Variants in PCDHA4 observed in about 807,000 individuals in gnomAD.
PCDHA4 encodes protocadherin alpha-4.
PCDHA4 carries 49 observed loss-of-function variants against 61.4 expected under a neutral mutation model. The ratio of observed to expected loss-of-function variants is 0.80; its 90% CI spans 0.63 to 1.01. The LOEUF is 1.01. PCDHA4 is among the 50% of genes least tolerant of loss of function. The pLI is 0.00. For missense variants in PCDHA4, 1,254 were observed against 1,235.8 expected (o/e 1.01, Z -0.22); for synonymous variants, 590 against 550.3 (o/e 1.07, Z -1.01).
In PCDHA4 at chr5:140,857,593, G is replaced by C. The variant is rs782606088; in HGVS notation, c.2385+48021G>C. ...TGTCGGTGCACGCGGAGAGCGGCAAGGTGTACGCGCTGCAGCCGCTGGACC... is the reference window on the plus strand; with the variant it reads ...TGTCGGTGCACGCGGAGAGCGGCAACGTGTACGCGCTGCAGCCGCTGGACC... On this transcript the variant is annotated intron_variant, in intron 1 of 3. Coordinates refer to ENST00000530339, the MANE Select transcript of PCDHA4 (RefSeq NM_018907.4). 2.5e-6 allele frequency: 4 copies of C among 1,596,536 alleles called. No individual in the cohort carries two copies. The East Asian group carries it at 6.7e-5, about 27-fold the overall frequency.
intron 1 of PCDHA4, chr5:140,928,782 T>C (rs2085522837): frequency 6.2e-7 from 1 of 1,614,030 alleles, no homozygotes; most frequent in East Asian, 2.2e-5. Context: ...CTGATGCAGT[T>C]AAGCAGAGGG....
intron 3 of PCDHA4, among the ~76,000 whole-genome samples, chr5:140,996,539 A>G (rs1023035245): frequency 2.6e-5 from 4 of 152,170 alleles, no homozygotes; most frequent in South Asian, 4.1e-4. Flanking sequence ...GTGTTTTGAT[A>G]TTATGCTGTC....
chr5:140,809,090 C>A lies in PCDHA4; in HGVS notation c.1903C>A (p.Arg635Ser). ...GLYTGEISTT[R>S]ALDETDAPRH... ...GTACACTGGCGAGATCAGCACAACGCGTGCCCTGGACGAAACGGACGCTCC... is the reference window on the plus strand; with the variant it reads ...GTACACTGGCGAGATCAGCACAACGAGTGCCCTGGACGAAACGGACGCTCC... The change falls in exon 1 of 4, where the codon CGT becomes AGT. Residue 635 changes from arginine (R) to serine (S), a missense_variant. Arg to Ser is a moderately radical substitution (Grantham distance 110). Coordinates refer to ENST00000530339, the MANE Select transcript of PCDHA4 (RefSeq NM_018907.4). The A allele has an allele frequency of 6.2e-7, 1 of 1,613,952 alleles. No individual in the cohort carries two copies. The highest frequency in any genetic ancestry group is 8.5e-7 in the Non-Finnish European group (1 of 1,179,910).
At chr5:140,868,866 T>C (rs1319732568) in intron 1 of PCDHA4, 2 of 581,336 alleles carry the variant, frequency 3.4e-6, no homozygotes, top group Non-Finnish European at 5.7e-6. Context: ...GTAAATGCAG[T>C]GCACAGTACT....
At chr5:140,870,746 T>A in intron 1 of PCDHA4, 1 of 1,613,488 alleles carries the variant, frequency 6.2e-7, no homozygotes, top group South Asian at 1.1e-5. Flanking sequence ...AGCAGCAACG[T>A]GACGCTGCAG....
At chr5:140,863,181 C>T (rs782813569) in intron 1 of PCDHA4, 5 of 753,966 alleles carry the variant, frequency 6.6e-6, no homozygotes, top group Non-Finnish European at 1.1e-5. Flanking sequence ...CTGCCACCGT[C>T]ACCGTGGTGG....
chr5:140,929,118 A>T, intron 1 of PCDHA4: 2 of 1,614,150 alleles, frequency 1.2e-6, no homozygotes, highest in Non-Finnish European at 1.7e-6. Context: ...CAGCCACCAT[A>T]GATGTCACTA....
chr5:140,869,650 C>A, intron 1 of PCDHA4: 1 of 1,613,504 alleles, frequency 6.2e-7, no homozygotes, highest in African/African-American at 1.3e-5. Flanking sequence ...TTTAGATTCA[C>A]CAACAAATGG....
chr5:140,843,337 C>A lies in PCDHA4; in HGVS notation c.2385+33765C>A, dbSNP rs2150357766. On this transcript the variant is annotated intron_variant, in intron 1 of 3. Coordinates refer to ENST00000530339, the MANE Select transcript of PCDHA4 (RefSeq NM_018907.4). ...CGGTTCTGGTGTCGCTGGTGGAGAGCGGCCAGGCTCCAAAAGCGTCATCGA... is the reference window on the plus strand; with the variant it reads ...CGGTTCTGGTGTCGCTGGTGGAGAGAGGCCAGGCTCCAAAAGCGTCATCGA... 16 of 1,596,000 alleles carry A rather than the reference C, an allele frequency of 1.0e-5. 3 individuals carry two copies. Among genetic ancestry groups the A allele is most frequent in the Non-Finnish European group, 1.2e-5 (14 of 1,165,568 alleles).
At chr5:140,820,515 G>A (rs2150107166) in intron 1 of PCDHA4, among the ~76,000 whole-genome samples, 23 of 151,938 alleles carry the variant, frequency 1.5e-4, no homozygotes, top group African/African-American at 5.6e-4. Flanking sequence ...ATATATACAA[G>A]CAGAATGTTA....
Position 141,010,554 on chromosome 5 carries a change from C to G in PCDHA4, c.*617C>G. On this transcript the variant is annotated 3_prime_UTR_variant, in exon 4 of 4. Transcript: ENST00000530339. ...CACCCTCTAGGAGACAAAACTACCC[C>G]CACTGACAAGGCTTTAGGAGACCCT... The G allele has an allele frequency of 3.1e-6, 1 of 322,198 alleles. No individual in the cohort carries two copies. The highest frequency in any genetic ancestry group is 9.3e-4 in the Middle Eastern group (1 of 1,074). 20.0% of individuals were successfully genotyped at this position (322,198 alleles called of 1,614,324 possible).
intron 1 of PCDHA4, chr5:140,822,581 A>T: frequency 6.2e-7 from 1 of 1,610,708 alleles, no homozygotes; most frequent in Non-Finnish European, 8.5e-7. Flanking sequence ...TCAGATGCAG[A>T]TGAGGGCATC....
At chr5:140,849,341 C>T (rs2150435526) in intron 1 of PCDHA4, 27 of 1,407,914 alleles carry the variant, frequency 1.9e-5, no homozygotes, top group Middle Eastern at 2.4e-4. Flanking sequence ...ACTCCTTCTC[C>T]AGTGATGTTT....
chr5:140,927,697 C>T, intron 1 of PCDHA4: 2 of 1,614,170 alleles, frequency 1.2e-6, no homozygotes, highest in Non-Finnish European at 1.7e-6. Flanking sequence ...TGGGGAAGTC[C>T]AGTACTCCCT....
At chr5:140,836,250 C>T (rs1554135772) in intron 1 of PCDHA4, 18 of 1,613,676 alleles carry the variant, frequency 1.1e-5, no homozygotes, top group Non-Finnish European at 1.4e-5. Context: ...CATCCCGTTC[C>T]GCGTGGGGCT....
chr5:140,958,089 C>A (rs2095409002), intron 1 of PCDHA4, among the ~76,000 whole-genome samples: 1 of 151,872 alleles, frequency 6.6e-6, no homozygotes, highest in African/African-American at 2.4e-5. Context: ...TAAAGTTGTA[C>A]AATAGTGTGT....
At chr5:140,862,980 C>T in intron 1 of PCDHA4, 1 of 545,508 alleles carries the variant, frequency 1.8e-6, no homozygotes, top group South Asian at 1.4e-5. Flanking sequence ...CACTTGGTGG[C>T]GAAGGTGCGC....
chr5:140,862,675 G>A, intron 1 of PCDHA4: 1 of 550,422 alleles, frequency 1.8e-6, no homozygotes, highest in South Asian at 1.4e-5. Context: ...GCAGGAGAAC[G>A]TGCTGGTGTC....
chr5:140,894,886 G>T (rs2153448289), intron 1 of PCDHA4, among the ~76,000 whole-genome samples: 1 of 152,202 alleles, frequency 6.6e-6, no homozygotes, highest in South Asian at 2.1e-4. Flanking sequence ...AGAAGAAACA[G>T]ACCAGGATAA....
Sources: gnomAD v4.1 joint callset for allele counts (sites outside exome capture counted in the v4.1 genomes callset) on GRCh38, gnomAD v4.1.1 for gene constraint, MANE v1.5 for transcripts, NCBI Gene and HGNC (gene_info 2026-07-23, HGNC 2026-07-21) for gene names.